The following BPIFB3 variants were observed in gnomAD, a reference collection of about 807,000 sequenced individuals.
The protein encoded by BPIFB3 is BPI fold-containing family B member 3.
A neutral mutation model predicts 53.1 loss-of-function variants in BPIFB3; 49 were observed. The ratio of observed to expected loss-of-function variants is 0.92; its 90% CI spans 0.73 to 1.17. The LOEUF (loss-of-function observed/expected upper bound fraction) is 1.17. Among genes scored for constraint, BPIFB3 ranks in the 50% most tolerant of loss-of-function variants. The probability of loss-of-function intolerance (pLI) is 0.00; values close to 1 mark genes in which losing one functional copy is unlikely to be tolerated. For missense variants in BPIFB3, 628 were observed against 592.5 expected (o/e 1.06, Z -0.62); for synonymous variants, 271 against 269.6 (o/e 1.01, Z -0.05).
intron 13 of BPIFB3, 105 bp from the exon 15 acceptor site, chr20:33,072,612 T>C: frequency 2.2e-6 from 2 of 919,280 alleles, no homozygotes; most frequent in Non-Finnish European, 3.5e-6. Flanking sequence ...GAGAACTGGC[T>C]GGCTAGTGAA....
At chr20:33,073,463 C>A in intron 14 of BPIFB3, 113 bp from the exon 16 acceptor site, 3 of 1,014,390 alleles carry the variant, frequency 3.0e-6, no homozygotes, top group South Asian at 1.6e-5. Flanking sequence ...TTAATGAGTG[C>A]CTGCTGTGTT....
At chr20:33,068,998 G>A (rs764560673) in intron 10 of BPIFB3, 25 bp downstream of exon 11, 5 of 1,603,148 alleles carry the variant, frequency 3.1e-6, no homozygotes, top group Admixed American at 3.4e-5. Flanking sequence ...GGTGGCTGGG[G>A]GCCCGGCATT....
chr20:33,073,514 G>A (rs1390481451), intron 14 of BPIFB3, 62 bp from the exon 16 acceptor site: 2 of 1,591,378 alleles, frequency 1.3e-6, no homozygotes, highest in Non-Finnish European at 1.7e-6. Flanking sequence ...AGTAAAGATG[G>A]CTGCAGGGAT....
Position 33,059,882 on chromosome 20 carries a change from T to G in BPIFB3, c.387-9T>G, listed in dbSNP as rs754473845. The G allele has an allele frequency of 6.2e-7, 1 of 1,613,334 alleles. No homozygotes were observed. Among genetic ancestry groups the G allele is most frequent in the Non-Finnish European group, 8.5e-7 (1 of 1,179,680 alleles). ...TGCCTGGCCACACCCCCAGTGTCCT[T>G]TCTTGCAGCCCCCTTGGTGGCCTTC... On this transcript the variant is annotated splice_polypyrimidine_tract_variant and intron_variant, in intron 3 of 14. Coordinates refer to ENST00000375494, the Ensembl canonical transcript of BPIFB3.
Position 33,059,404 on chromosome 20 carries a change from CA to C in BPIFB3, c.311del (p.Lys104ArgfsTer4), listed in dbSNP as rs759990273. On this transcript the variant is annotated frameshift_variant, in exon 3 of 15. Transcript: ENST00000375494. LOFTEE classifies it high-confidence loss of function. ...CTGAAGATTGAGGAGCTCACGCTGC[CA>C]AAGGTGTTGCTGAAGCTGCTGCCGG... 9.3e-6 allele frequency: 15 copies of C among 1,612,498 alleles called. No homozygotes were observed. The Admixed American group carries it at 2.5e-4, about 27-fold the overall frequency.
chr20:33,065,404 G>A (rs1980627990), intron 8 of BPIFB3, among the ~76,000 whole-genome samples: 1 of 152,048 alleles, frequency 6.6e-6, no homozygotes, highest in African/African-American at 2.4e-5. Context: ...CCAGTTACTT[G>A]GGAGGCTGAG....
intron 1 of BPIFB3, 97 bp downstream of exon 2, chr20:33,055,644 G>C: frequency 1.3e-6 from 2 of 1,554,688 alleles, no homozygotes; most frequent in Non-Finnish European, 1.7e-6. Flanking sequence ...GATAAGAGCA[G>C]GTTGTGATTC....
At chr20:33,060,138 ACTCGTC>A in intron 4 of BPIFB3, 107 bp downstream of exon 5, 1 of 1,432,730 alleles carries the variant, frequency 7.0e-7, no homozygotes, top group South Asian at 1.3e-5. Flanking sequence ...GGGGGCCTGA[ACTCGTC>A]CTACCCCTGC....
At chr20:33,064,598 G>A in intron 7 of BPIFB3, 50 bp downstream of exon 8, 1 of 1,612,980 alleles carries the variant, frequency 6.2e-7, no homozygotes, top group Non-Finnish European at 8.5e-7. Context: ...CTAGATAGGG[G>A]ATGCCGGATC....
At chr20:33,073,659 A>T, downstream of BPIFB3, 2 of 1,599,854 alleles carry the variant, frequency 1.3e-6, no homozygotes, top group Non-Finnish European at 1.7e-6. Flanking sequence ...CCACCTGTCT[A>T]CTCTGCCTCA....
At position 33,064,317 on chromosome 20, in the gene BPIFB3, A is replaced by T. The variant is rs749985634; in HGVS notation, c.653-140A>T. On this transcript the variant is annotated intron_variant, in intron 6 of 14. Coordinates refer to ENST00000375494, the Ensembl canonical transcript of BPIFB3. The stretch of plus-strand genomic sequence containing the variant: ...TAAGCCTCAATTTCCACATCTGTAA[A>T]ATGGGGATGACAGTAGCAGCCAAGT... 4 of 703,040 alleles carry T rather than the reference A, an allele frequency of 5.7e-6. No individual in the cohort carries two copies. In the Admixed American group the frequency reaches 7.7e-5, roughly 14 times the overall value. The allele number at this position is 703,040 out of a possible 1,614,324, so 43.6% of individuals were successfully genotyped here.
Position 33,066,821 on chromosome 20 carries a change from C to G in BPIFB3, c.925-3C>G. On this transcript the variant is annotated splice_region_variant and splice_polypyrimidine_tract_variant and intron_variant, in intron 8 of 14. Transcript: ENST00000375494. ...CCAACCCTCTCTCCCATTGGGGGTC[C>G]AGGTTCCCAGCGATGTCCCACTGAC... is the stretch of plus-strand genomic sequence containing the variant. 6.2e-7 allele frequency: 1 copy of G among 1,614,134 alleles called. No homozygotes were observed. The highest frequency in any genetic ancestry group is 8.5e-7 in the Non-Finnish European group (1 of 1,179,966).
At chr20:33,056,740 T>G (rs968494347) in intron 2 of BPIFB3, 42 bp downstream of exon 3, 2 of 1,515,098 alleles carry the variant, frequency 1.3e-6, no homozygotes, top group Non-Finnish European at 1.8e-6. Context: ...AGACTTGGCT[T>G]TGCTTCCAGG....
At chr20:33,066,296 CA>C (rs1980669197) in intron 8 of BPIFB3, among the ~76,000 whole-genome samples, 2 of 152,128 alleles carry the variant, frequency 1.3e-5, no homozygotes, top group Admixed American at 1.3e-4. Context: ...TCAGTGTGAC[CA>C]GATTTTCCAA....
intron 10 of BPIFB3, among the ~76,000 whole-genome samples, chr20:33,069,671 C>G (rs1030740912): frequency 2.0e-5 from 3 of 152,222 alleles, no homozygotes; most frequent in African/African-American, 7.2e-5. Context: ...GCTTCCTCTC[C>G]TACATTACCA....
At chr20:33,072,583 G>C in intron 13 of BPIFB3, 134 bp from the exon 15 acceptor site, 1 of 746,566 alleles carries the variant, frequency 1.3e-6, no homozygotes, top group South Asian at 1.7e-5. Context: ...TTGCCAATAA[G>C]AAGCTGATTC....
intron 8 of BPIFB3, 33 bp downstream of exon 9, chr20:33,064,878 G>A (rs1164916595): frequency 1.1e-5 from 18 of 1,597,368 alleles, no homozygotes; most frequent in Non-Finnish European, 1.4e-5. Flanking sequence ...GGGGATGGGG[G>A]CTCCTTGCCC....
chr20:33,058,029 T>C (rs934542081), intron 2 of BPIFB3, among the ~76,000 whole-genome samples: 1 of 152,174 alleles, frequency 6.6e-6, no homozygotes, highest in Non-Finnish European at 1.5e-5. Context: ...TGAAGTGACC[T>C]GCCCAAGCTC....
intron 5 of BPIFB3, among the ~76,000 whole-genome samples, chr20:33,063,385 G>T (rs1040205074): frequency 6.6e-6 from 1 of 152,114 alleles, no homozygotes; most frequent in Non-Finnish European, 1.5e-5. Flanking sequence ...TTTCTAATGG[G>T]GCTCTTGTAA....
Sources: gnomAD v4.1 joint callset for allele counts (sites outside exome capture counted in the v4.1 genomes callset) on GRCh38, gnomAD v4.1.1 for gene constraint, MANE v1.5 for transcripts, NCBI Gene and HGNC (gene_info 2026-07-23, HGNC 2026-07-21) for gene names.